Variants in RPGRIP1 observed in about 807,000 individuals in gnomAD.
RPGRIP1 encodes the protein RPGR interacting protein 1, also known as X-linked retinitis pigmentosa GTPase regulator-interacting protein 1.
A neutral mutation model predicts 157.9 loss-of-function variants in RPGRIP1; 128 were observed. The ratio of observed to expected loss-of-function variants is 0.81; its 90% CI spans 0.70 to 0.94. RPGRIP1 has a LOEUF of 0.94. RPGRIP1 is among the 40% of genes least tolerant of loss of function. RPGRIP1 has a pLI of 0.00. For synonymous variants in RPGRIP1, 554 were observed against 571.6 expected (o/e 0.97, Z 0.44); for missense variants, 1,486 against 1,545.8 (o/e 0.96, Z 0.65).
At position 21,347,916 on chromosome 14, in the gene RPGRIP1, G is replaced by A. The variant is rs140099363; in HGVS notation, c.3618-256G>A. Among the ~76,000 whole-genome samples the A allele has an allele frequency of 2.8e-4, 42 of 152,004 alleles. No individual in the cohort carries two copies. In the East Asian group the frequency reaches 3.5e-3, roughly 13 times the overall value. ...AATTTTTTATTTTTTTTGTAGAGAC[G>A]GGGTGTTCCTATGTTACCCAGGCTG... On this transcript the variant is annotated intron_variant, in intron 23 of 24. Coordinates refer to ENST00000400017, the MANE Select transcript of RPGRIP1 (RefSeq NM_020366.4).
At chr14:21,291,000 CAAAAA>C (rs34237756) in intron 2 of RPGRIP1, among the ~76,000 whole-genome samples, 1 of 90,322 alleles carries the variant, frequency 1.1e-5, no homozygotes, top group Non-Finnish European at 2.2e-5. Context: ...GACTCCATCT[CAAAAA>C]AAAAAAAAAA....
chr14:21,292,573 G>T (rs542034187), intron 2 of RPGRIP1, among the ~76,000 whole-genome samples: 57 of 152,240 alleles, frequency 3.7e-4, no homozygotes, highest in African/African-American at 1.3e-3. Flanking sequence ...CAGGCATGGT[G>T]GCTTATGCCT....
In RPGRIP1 at chr14:21,348,186, T is replaced by A; in HGVS notation, c.3632T>A (p.Val1211Glu). 1.3e-6 allele frequency: 2 copies of A among 1,582,204 alleles called. No homozygotes were observed. Among genetic ancestry groups the A allele is most frequent in the Middle Eastern group, 1.7e-4 (1 of 6,016 alleles). Residue 1211 changes from valine to glutamate, a missense_variant, in exon 24 of 25, where the codon GTG becomes GAG. Transcript: ENST00000400017. Reference sequence around the variant, plus strand: ...TTTCTTTTTAGTTTAAAGTTTACAGTGGTAAGTGATCCTCTGGATGAAGAA... The same window carrying A: ...TTTCTTTTTAGTTTAAAGTTTACAGAGGTAAGTGATCCTCTGGATGAAGAA... The part of the protein sequence containing the change: ...DPDQGHLKFT[V>E]VSDPLDEEKK...
intron 6 of RPGRIP1, 78 bp from the exon 7 acceptor site, chr14:21,307,653 A>T: frequency 1.1e-6 from 1 of 895,190 alleles, no homozygotes; most frequent in Admixed American, 2.2e-5. Flanking sequence ...AGGTATTCTT[A>T]CTAGGGCATA....
At chr14:21,316,634 T>A (rs1367696301) in intron 10 of RPGRIP1, among the ~76,000 whole-genome samples, 1 of 152,070 alleles carries the variant, frequency 6.6e-6, no homozygotes, top group African/African-American at 2.4e-5. Flanking sequence ...GCCAGGCTGG[T>A]CTCGAAGTCC....
chr14:21,329,465 A>G (rs531861789), intron 19 of RPGRIP1, among the ~76,000 whole-genome samples: 2 of 152,174 alleles, frequency 1.3e-5, no homozygotes, highest in South Asian at 4.1e-4. Context: ...GTTTATGCTT[A>G]AAGTTTTAAT....
At position 21,288,077 on chromosome 14, in the gene RPGRIP1, G is replaced by C; in HGVS notation, c.85+16G>C. The C allele has an allele frequency of 6.6e-7, 1 of 1,520,002 alleles. No individual in the cohort carries two copies. Among genetic ancestry groups the C allele is most frequent in the Non-Finnish European group, 9.1e-7 (1 of 1,094,298 alleles). 94.2% of individuals were successfully genotyped at this position (1,520,002 alleles called of 1,614,324 possible). Reference sequence around the variant, plus strand: ...GCCTCAAAAGGTAACTTCTACGCCTGAGGATGGACACCTTTTAGAATTAAA... The same window carrying C: ...GCCTCAAAAGGTAACTTCTACGCCTCAGGATGGACACCTTTTAGAATTAAA... On this transcript the variant is annotated intron_variant, in intron 2 of 24. Transcript: ENST00000400017.
intron 2 of RPGRIP1, among the ~76,000 whole-genome samples, 165 bp downstream of exon 2, chr14:21,288,226 G>A (rs1219773306): frequency 1.3e-5 from 2 of 149,516 alleles, no homozygotes; most frequent in Non-Finnish European, 3.0e-5. Flanking sequence ...TGTCACCCAG[G>A]CTGGAGCACA....
intron 1 of RPGRIP1, among the ~76,000 whole-genome samples, chr14:21,285,404 G>A (rs1880264542): frequency 1.3e-5 from 2 of 151,872 alleles, no homozygotes; most frequent in African/African-American, 4.9e-5. Flanking sequence ...AGGAGATCAA[G>A]ACCATCTTGG....
rs199589566 is a variant in RPGRIP1, at chr14:21,327,781, G to A, written c.2869G>A (p.Glu957Lys). 3.2e-5 allele frequency: 51 copies of A among 1,604,936 alleles called. No homozygotes were observed. Among genetic ancestry groups the A allele is most frequent in the Non-Finnish European group, 4.1e-5 (48 of 1,175,674 alleles). ...GGACAGTTCAAAGATCTCATCTGAAGAGGAAAAGGCTTCATTTCCTTCCCA... is the reference window on the plus strand; with the variant it reads ...GGACAGTTCAAAGATCTCATCTGAAAAGGAAAAGGCTTCATTTCCTTCCCA... Reference protein sequence around the residue: ...TKDSSKISSEEEKASFPSQDQ... With the variant: ...TKDSSKISSEKEKASFPSQDQ... Residue 957 changes from glutamate to lysine, a missense_variant, in exon 18 of 25, where the codon GAG becomes AAG. Physicochemically the swap from Glu to Lys is moderately conservative, Grantham distance 56 (BLOSUM62 1). Coordinates refer to ENST00000400017, the MANE Select transcript of RPGRIP1 (RefSeq NM_020366.4).
At chr14:21,316,984 G>A (rs1036496807) in intron 10 of RPGRIP1, among the ~76,000 whole-genome samples, 3 of 151,928 alleles carry the variant, frequency 2.0e-5, no homozygotes, top group African/African-American at 7.3e-5. Context: ...GCTGGGCCTG[G>A]TGGTGGGTTA....
At chr14:21,309,442 C>T (rs57917639) in intron 7 of RPGRIP1, among the ~76,000 whole-genome samples, 13,624 of 152,010 alleles carry the variant, frequency 0.09, 1,080 homozygotes, top group East Asian at 0.26. Flanking sequence ...AGTGCTTGAG[C>T]CCAGGAGGCA....
intron 21 of RPGRIP1, among the ~76,000 whole-genome samples, chr14:21,341,315 G>A (rs1884976959): frequency 6.6e-6 from 1 of 152,142 alleles, no homozygotes; most frequent in Admixed American, 6.5e-5. Context: ...ACAGGTGTGA[G>A]CCTCTGCACC....
intron 10 of RPGRIP1, among the ~76,000 whole-genome samples, chr14:21,316,679 G>A (rs1881828294): frequency 6.6e-6 from 1 of 152,182 alleles, no homozygotes; most frequent in East Asian, 1.9e-4. Context: ...GCCTCCCAAA[G>A]TGTTGCGATT....
rs8022247 is a variant in RPGRIP1, at chr14:21,312,556, T to G, written c.1151+50T>G. On this transcript the variant is annotated intron_variant, in intron 10 of 24. Coordinates refer to ENST00000400017, the MANE Select transcript of RPGRIP1 (RefSeq NM_020366.4). ...AGCAGTGTTACTATGAAAGACATTA[T>G]AGAAAGTTCATTCCTAATACCTAGC... 8,156 of 1,229,648 alleles carry G rather than the reference T, an allele frequency of 6.6e-3. 60 individuals carry two copies. Among genetic ancestry groups the G allele is most frequent in the African/African-American group, 0.028 (1,902 of 67,072 alleles). The allele number at this position is 1,229,648 out of a possible 1,614,324, so 76.2% of individuals were successfully genotyped here. A position where few individuals can be genotyped will look rare whatever the true frequency, so the allele number is the denominator to read the frequency against.
At chr14:21,348,419 G>A in intron 24 of RPGRIP1, 117 bp downstream of exon 24, 1 of 802,184 alleles carries the variant, frequency 1.2e-6, no homozygotes, top group Non-Finnish European at 1.9e-6. Context: ...AAAGTGGATT[G>A]AAATCTTATC....
At chr14:21,282,899 T>C (rs570946001) in intron 1 of RPGRIP1, among the ~76,000 whole-genome samples, 2 of 152,244 alleles carry the variant, frequency 1.3e-5, no homozygotes, top group East Asian at 3.9e-4. Context: ...CGTGAGCCAC[T>C]GTGCCCGGCC....
Position 21,310,107 on chromosome 14 carries a change from C to T in RPGRIP1, c.907-477C>T, listed in dbSNP as rs1230356223. Among the ~76,000 whole-genome samples the T allele has an allele frequency of 9.1e-5, 4 of 43,836 alleles. 2 individuals are homozygous for T. The highest frequency in any genetic ancestry group is 3.9e-4 in the African/African-American group (4 of 10,202). The allele number at this position is 43,836 out of a possible 152,430, so 28.8% of individuals were successfully genotyped here. On this transcript the variant is annotated intron_variant, in intron 7 of 24. Transcript: ENST00000400017. ...CAAAAACAAAAACGAAAACTTACCT[C>T]TCATATTTGCTACAAGGATTAAATG...
intron 6 of RPGRIP1, among the ~76,000 whole-genome samples, chr14:21,306,369 G>A (rs1041100024): frequency 7.2e-5 from 11 of 151,810 alleles, no homozygotes; most frequent in Admixed American, 3.3e-4. Flanking sequence ...CTGACCTCAG[G>A]TGATTCGCCT....
Sources: allele counts gnomAD v4.1 joint callset (sites outside exome capture counted in the v4.1 genomes callset), GRCh38; gene constraint gnomAD v4.1.1; transcripts MANE v1.5; gene names NCBI Gene and HGNC (gene_info 2026-07-23, HGNC 2026-07-21).